Variants in HEXB observed in about 807,000 individuals in gnomAD.
HEXB encodes the protein hexosaminidase subunit beta, also known as beta-hexosaminidase subunit beta.
In HEXB, 51 loss-of-function variants were observed where a neutral mutation model predicts 71.2. The ratio of observed to expected loss-of-function variants is 0.72; its 90% CI spans 0.57 to 0.90. The LOEUF is 0.90. Ranked by LOEUF, HEXB falls within the 40% of genes least tolerant of loss-of-function variation. The pLI, the probability that HEXB is intolerant of heterozygous loss-of-function variation, is 0.00. For missense variants in HEXB, 617 were observed against 677.0 expected (o/e 0.91, Z 0.98); for synonymous variants, 266 against 249.3 (o/e 1.07, Z -0.63).
At chr5:74,677,138 G>A (rs1748646014) in intron 1 of HEXB, among the ~76,000 whole-genome samples, 2 of 152,104 alleles carry the variant, frequency 1.3e-5, no homozygotes, top group Non-Finnish European at 2.9e-5. Flanking sequence ...ACCCGCCTCA[G>A]CCTCCCAAAG....
intron 1 of HEXB, among the ~76,000 whole-genome samples, chr5:74,645,942 A>G (rs1404473454): frequency 8.2e-6 from 1 of 121,314 alleles, no homozygotes; most frequent in Non-Finnish European, 1.7e-5. Flanking sequence ...CATTCTTCCT[A>G]TGTCTGCATA....
chr5:74,709,544 A>G (rs532190345), intron 6 of HEXB, among the ~76,000 whole-genome samples: 2 of 152,250 alleles, frequency 1.3e-5, no homozygotes, highest in Non-Finnish European at 2.9e-5. Context: ...ATAGAACGCT[A>G]GCAAGACTAA....
intron 5 of HEXB, among the ~76,000 whole-genome samples, chr5:74,703,548 C>T (rs1045904040): frequency 4.6e-5 from 7 of 152,076 alleles, no homozygotes; most frequent in East Asian, 1.9e-4. Flanking sequence ...AGCTAGAAAA[C>T]GTGTGTACCT....
chr5:74,670,832 C>T lies in HEXB; in HGVS notation c.-376-18496C>T, dbSNP rs567989480. Among the ~76,000 whole-genome samples, 29 of 152,286 alleles carry T rather than the reference C, an allele frequency of 1.9e-4. No individual in the cohort carries two copies. The South Asian group carries it at 5.8e-3, about 31-fold the overall frequency. ...CACAAGACCCACACAGAGCCTGCTC[C>T]TGTGCTGCTTGGAACAATTGGCTGG... On this transcript the variant is annotated intron_variant, in intron 1 of 13. Coordinates refer to the HEXB transcript ENST00000511181.
intron 1 of HEXB, among the ~76,000 whole-genome samples, chr5:74,659,731 CACTTA>C (rs1378687665): frequency 6.6e-6 from 1 of 152,152 alleles, no homozygotes; most frequent in Non-Finnish European, 1.5e-5. Context: ...AATCAGCCAA[CACTTA>C]ACTCTAGGGG....
intron 1 of HEXB, among the ~76,000 whole-genome samples, chr5:74,651,886 A>G (rs1007000902): frequency 1.3e-5 from 2 of 152,234 alleles, no homozygotes; most frequent in Non-Finnish European, 2.9e-5. Flanking sequence ...ATGGAAAGCC[A>G]GAGCATATCT....
At chr5:74,648,798 T>C (rs1019076349) in intron 1 of HEXB, among the ~76,000 whole-genome samples, 2 of 152,240 alleles carry the variant, frequency 1.3e-5, no homozygotes, top group Non-Finnish European at 2.9e-5. Flanking sequence ...ATTTTTTGCA[T>C]GTGTGTTATT....
At chr5:74,646,569 CTT>C (rs1356916050) in intron 1 of HEXB, among the ~76,000 whole-genome samples, 20 of 139,644 alleles carry the variant, frequency 1.4e-4, no homozygotes, top group Non-Finnish European at 1.1e-4. Context: ...ACAATTCATT[CTT>C]TTTTTTTTTT....
At chr5:74,718,457 A>AC in intron 10 of HEXB, 94 bp downstream of exon 10, 1 of 948,550 alleles carries the variant, frequency 1.1e-6, no homozygotes, top group Non-Finnish European at 1.7e-6. Flanking sequence ...TACTAGTATT[A>AC]CCTTTCTAGT....
chr5:74,682,796 A>G (rs892587448), upstream of HEXB, among the ~76,000 whole-genome samples: 1 of 152,222 alleles, frequency 6.6e-6, no homozygotes, highest in African/African-American at 2.4e-5. Context: ...AATTTTAAAC[A>G]TGCACCATGT....
At chr5:74,684,229 G>A (rs551001123), upstream of HEXB, among the ~76,000 whole-genome samples, 5 of 152,246 alleles carry the variant, frequency 3.3e-5, no homozygotes, top group East Asian at 1.9e-4. Flanking sequence ...TCTCCTTCTG[G>A]TAAGAGAACA....
rs72764623 is a variant in HEXB, at chr5:74,679,528, C to T, written c.-376-9800C>T. Reference sequence around the variant, plus strand: ...TAAAGGGAGGACTGTTGGCCAGGCGCGGTGGCTCATGCCTATAATTCCAGC... The same window carrying T: ...TAAAGGGAGGACTGTTGGCCAGGCGTGGTGGCTCATGCCTATAATTCCAGC... On this transcript the variant is annotated intron_variant, in intron 1 of 13. Transcript: ENST00000511181. Among the ~76,000 whole-genome samples the T allele has an allele frequency of 1.2e-3, 178 of 152,166 alleles. 1 individual carries two copies. Among genetic ancestry groups the T allele is most frequent in the Admixed American group, 2.5e-3 (38 of 15,270 alleles).
chr5:74,661,841 T>C (rs1550906), intron 1 of HEXB, among the ~76,000 whole-genome samples: 108,603 of 151,986 alleles, frequency 0.71, 39,161 homozygotes, highest in Admixed American at 0.81. Flanking sequence ...ATAAAATGAG[T>C]TTTCCTAGTA....
upstream of HEXB, among the ~76,000 whole-genome samples, chr5:74,680,511 C>T (rs1048168563): frequency 1.3e-5 from 2 of 152,188 alleles, no homozygotes; most frequent in Admixed American, 6.5e-5. Context: ...TATATGCTAA[C>T]ATTCTGGATT....
intron 1 of HEXB, among the ~76,000 whole-genome samples, chr5:74,663,673 A>G (rs1017809785): frequency 6.6e-6 from 1 of 152,236 alleles, no homozygotes; most frequent in African/African-American, 2.4e-5. Flanking sequence ...AGGCAGAATT[A>G]TGATTTGCAA....
chr5:74,691,721 A>G (rs3756443), intron 2 of HEXB, among the ~76,000 whole-genome samples: 35,357 of 152,154 alleles, frequency 0.23, 4,677 homozygotes, highest in African/African-American at 0.35. Context: ...AGAGGGAGTT[A>G]GGTGAGTATC....
At chr5:74,714,325 T>TA (rs1749624066) in intron 7 of HEXB, among the ~76,000 whole-genome samples, 1 of 152,032 alleles carries the variant, frequency 6.6e-6, no homozygotes, top group Non-Finnish European at 1.5e-5. Context: ...GCCTAAAGTA[T>TA]AAAAAAGGGA....
At chr5:74,651,508 A>G (rs1748109922) in intron 1 of HEXB, among the ~76,000 whole-genome samples, 1 of 152,192 alleles carries the variant, frequency 6.6e-6, no homozygotes, top group Non-Finnish European at 1.5e-5. Context: ...ACTAACCCCA[A>G]ATGATTTGCC....
At chr5:74,709,983 A>G (rs1346006762) in intron 6 of HEXB, among the ~76,000 whole-genome samples, 2 of 150,026 alleles carry the variant, frequency 1.3e-5, no homozygotes, top group African/African-American at 5.1e-5. Context: ...AGACACAACC[A>G]AAAAAGAGAA....
Sources: allele counts gnomAD v4.1 joint callset (sites outside exome capture counted in the v4.1 genomes callset), GRCh38; gene constraint gnomAD v4.1.1; transcripts MANE v1.5; gene names NCBI Gene and HGNC (gene_info 2026-07-23, HGNC 2026-07-21).